The following NCS1 variants were observed in gnomAD, a reference collection of about 807,000 sequenced individuals.
The protein encoded by NCS1 is neuronal calcium sensor 1, also known as frequenin homolog.
Under a neutral mutation model 28.4 loss-of-function variants are expected in NCS1, and 6 were observed. That is an observed-to-expected ratio of 0.21 (90% CI 0.12 to 0.42). The LOEUF (loss-of-function observed/expected upper bound fraction) is 0.42, where lower values mean the gene tolerates loss of function less well. NCS1 is among the 10% of genes least tolerant of loss of function. The probability of loss-of-function intolerance (pLI) is 1.00; values close to 1 mark genes in which losing one functional copy is unlikely to be tolerated. For synonymous variants in NCS1, 86 were observed against 99.3 expected (o/e 0.87, Z 0.79); for missense variants, 131 against 241.4 (o/e 0.54, Z 3.03).
chr9:130,193,058 C>T (rs908283168), intron 1 of NCS1, among the ~76,000 whole-genome samples: 17 of 152,244 alleles, frequency 1.1e-4, no homozygotes, highest in Admixed American at 1.3e-4. Context: ...GGAACTGCCC[C>T]TCCCCAGGGG....
At chr9:130,204,896 G>A (rs1833004499) in intron 2 of NCS1, among the ~76,000 whole-genome samples, 1 of 152,050 alleles carries the variant, frequency 6.6e-6, no homozygotes, top group Non-Finnish European at 1.5e-5. Flanking sequence ...TGAGGCCCAG[G>A]GGGGTGAGTG....
At chr9:130,207,207 G>C (rs1198327049) in intron 2 of NCS1, among the ~76,000 whole-genome samples, 4 of 152,214 alleles carry the variant, frequency 2.6e-5, no homozygotes, top group African/African-American at 4.8e-5. Flanking sequence ...TGGCTCTGCT[G>C]TTCTTGGCCC....
In NCS1 at chr9:130,222,800, A is replaced by G. The variant is rs539243888; in HGVS notation, c.396+62A>G. 287 of 1,518,662 alleles carry G rather than the reference A, an allele frequency of 1.9e-4. 2 individuals are homozygous for G. In the African/African-American group the frequency reaches 3.3e-3, roughly 18 times the overall value. 94.1% of individuals were successfully genotyped at this position (1,518,662 alleles called of 1,614,324 possible). A position where few individuals can be genotyped will look rare whatever the true frequency, so the allele number is the denominator to read the frequency against. On this transcript the variant is annotated intron_variant, in intron 5 of 7. Coordinates refer to ENST00000372398, the MANE Select transcript of NCS1 (RefSeq NM_014286.4). The stretch of plus-strand genomic sequence containing the variant: ...GAGGGGCAAAGCCAGTGACTGAGAG[A>G]CAGAGAGAGAGCACTTGTGCAGCCA...
chr9:130,220,264 T>G (rs1554910060), intron 4 of NCS1, among the ~76,000 whole-genome samples: 1 of 152,192 alleles, frequency 6.6e-6, no homozygotes, highest in African/African-American at 2.4e-5. Flanking sequence ...AGTCATTCAC[T>G]TACTCACTCA....
intron 1 of NCS1, chr9:130,200,525 C>G (rs1554907334): frequency 6.5e-7 from 1 of 1,543,798 alleles, no homozygotes; most frequent in Non-Finnish European, 8.8e-7. Flanking sequence ...TCCCCCCACC[C>G]CCCCACATAG....
intron 1 of NCS1, 61 bp downstream of exon 1, chr9:130,172,788 C>CCCCGCCCCCCGGA: frequency 1.1e-6 from 1 of 935,864 alleles, no homozygotes; most frequent in Non-Finnish European, 1.5e-6. Context: ...CCGCCCCCGC[C>CCCCGCCCCCCGGA]CCCGCCCCCC....
At chr9:130,197,163 C>T (rs148436439) in intron 1 of NCS1, among the ~76,000 whole-genome samples, 31 of 152,270 alleles carry the variant, frequency 2.0e-4, no homozygotes, top group African/African-American at 7.2e-4. Context: ...GGCTATTTCA[C>T]GATCGAAGGC....
intron 1 of NCS1, among the ~76,000 whole-genome samples, chr9:130,197,975 A>G (rs1832896917): frequency 6.6e-6 from 1 of 151,882 alleles, no homozygotes; most frequent in South Asian, 2.1e-4. Context: ...CAGAAAAAAA[A>G]AAAAAAAAAG....
intron 1 of NCS1, among the ~76,000 whole-genome samples, chr9:130,174,273 ATGG>A (rs1192487816): frequency 6.6e-6 from 1 of 152,184 alleles, no homozygotes; most frequent in African/African-American, 2.4e-5. Context: ...TGCCTCCATC[ATGG>A]TGGGACAGGG....
chr9:130,198,232 G>C (rs782426513), intron 1 of NCS1, among the ~76,000 whole-genome samples: 1 of 152,156 alleles, frequency 6.6e-6, no homozygotes, highest in Non-Finnish European at 1.5e-5. Flanking sequence ...CCACCTCCCT[G>C]CTGCATCCTT....
At chr9:130,229,616 G>A (rs35613953) in intron 7 of NCS1, among the ~76,000 whole-genome samples, 3,625 of 152,196 alleles carry the variant, frequency 0.024, 61 homozygotes, top group Admixed American at 0.043. Flanking sequence ...ATGCTGATCC[G>A]TTGTCTAATT....
At chr9:130,188,905 C>T (rs1201502144) in intron 1 of NCS1, among the ~76,000 whole-genome samples, 6 of 151,882 alleles carry the variant, frequency 4.0e-5, no homozygotes, top group African/African-American at 7.3e-5. Context: ...GTAATAGACA[C>T]GGGGTTTTGC....
chr9:130,212,019 G>C (rs1833119788), intron 2 of NCS1, among the ~76,000 whole-genome samples: 1 of 145,188 alleles, frequency 6.9e-6, no homozygotes, highest in African/African-American at 2.4e-5. Flanking sequence ...TGGGGAGGAG[G>C]GGGAAGGGCA....
intron 1 of NCS1, among the ~76,000 whole-genome samples, chr9:130,176,194 C>CTTTTTT (rs35934993): frequency 2.0e-5 from 1 of 50,138 alleles, no homozygotes; most frequent in Non-Finnish European, 3.5e-5. Context: ...TTCTTTCTTT[C>CTTTTTT]TTTTTTTTTT....
rs556369087 is a variant in NCS1, at chr9:130,232,307, T to C, written c.*18-683T>C. On this transcript the variant is annotated intron_variant, in intron 7 of 7. Transcript: ENST00000372398. This position sits in a 1 kb window ranked among gnomAD's most constrained non-coding sequence, Gnocchi z 4.4. ...TAGGGATGTTGGGCATCTTTTCATGTGTTTATCGACTGTTCTATGTGTTGT... is the reference window on the plus strand; with the variant it reads ...TAGGGATGTTGGGCATCTTTTCATGCGTTTATCGACTGTTCTATGTGTTGT... Among the ~76,000 whole-genome samples the C allele has an allele frequency of 1.3e-5, 2 of 152,226 alleles. No individual in the cohort carries two copies. The highest frequency in any genetic ancestry group is 2.9e-5 in the Non-Finnish European group (2 of 68,040).
rs1832653380 is a variant in NCS1, at chr9:130,181,459, C to T, written c.64+8732C>T. On this transcript the variant is annotated intron_variant, in intron 1 of 7. Transcript: ENST00000372398. This position sits in a 1 kb window ranked among gnomAD's most constrained non-coding sequence, Gnocchi z 5.0. ...CATGTTCCGTGTGACCCAGGCCTGTCCTTGGTGTTCACGTGTGTTCCTCAC... is the reference window on the plus strand; with the variant it reads ...CATGTTCCGTGTGACCCAGGCCTGTTCTTGGTGTTCACGTGTGTTCCTCAC... Among the ~76,000 whole-genome samples, 6 of 152,208 alleles carry T rather than the reference C, an allele frequency of 3.9e-5. No homozygotes were observed. The South Asian group carries it at 1.2e-3, about 32-fold the overall frequency.
At position 130,219,647 on chromosome 9, in the gene NCS1, C is replaced by T; in HGVS notation, c.229-78C>T. 1 of 1,382,224 alleles carries T rather than the reference C, an allele frequency of 7.2e-7. No individual in the cohort carries two copies. The highest frequency in any genetic ancestry group is 1.0e-6 in the Non-Finnish European group (1 of 975,810). 85.6% of individuals were successfully genotyped at this position (1,382,224 alleles called of 1,614,324 possible). ...CAGTGTCTGGAGCCTGCGACTGCCC[C>T]TCGCCCGTCCCGAGGTTCAGCCTGA... On this transcript the variant is annotated intron_variant, in intron 3 of 7. Coordinates refer to ENST00000372398, the MANE Select transcript of NCS1 (RefSeq NM_014286.4). This position sits in a 1 kb window ranked among gnomAD's most constrained non-coding sequence, Gnocchi z 5.7.
In NCS1 at chr9:130,208,500, C is replaced by T. The variant is rs1833061340; in HGVS notation, c.89+7518C>T. ...TCACGTTGGCCAGGCTGGTCTCAAA[C>T]TCCTGACCTCAGGAAATGCCCACCT... On this transcript the variant is annotated intron_variant, in intron 2 of 7. Transcript: ENST00000372398. Among the ~76,000 whole-genome samples the T allele has an allele frequency of 4.6e-5, 7 of 152,164 alleles. No homozygotes were observed. In the South Asian group the frequency reaches 1.5e-3, roughly 32 times the overall value.
Position 130,175,886 on chromosome 9 carries a change from C to T in NCS1, c.64+3159C>T, listed in dbSNP as rs1177245592. ...GCGGGCGGCCCAGTTTCTTTCAGGT[C>T]TGGCCCACTCTCTTCCAACCTGCTG... On this transcript the variant is annotated intron_variant, in intron 1 of 7. Coordinates refer to ENST00000372398, the MANE Select transcript of NCS1 (RefSeq NM_014286.4). The surrounding 1 kb of genome is among the most constrained non-coding windows in gnomAD (Gnocchi z 4.9). 6.6e-6 allele frequency among the ~76,000 whole-genome samples: 1 copy of T among 152,228 alleles called. No homozygotes were observed. The highest frequency in any genetic ancestry group is 1.5e-5 in the Non-Finnish European group (1 of 68,044).
Sources: allele counts gnomAD v4.1 joint callset (sites outside exome capture counted in the v4.1 genomes callset), GRCh38; gene constraint gnomAD v4.1.1; non-coding constraint Gnocchi (gnomAD v3.1); transcripts MANE v1.5; gene names NCBI Gene and HGNC (gene_info 2026-07-23, HGNC 2026-07-21).